Variants in KIF1A observed in about 807,000 individuals in gnomAD.
KIF1A encodes kinesin family member 1A, also known as kinesin-like protein KIF1A.
A neutral mutation model predicts 227.3 loss-of-function variants in KIF1A; 46 were observed. That is an observed-to-expected ratio of 0.20 (90% CI 0.16 to 0.26). KIF1A has a LOEUF of 0.26. KIF1A is among the 10% of genes least tolerant of loss of function. The pLI, the probability that KIF1A is intolerant of heterozygous loss-of-function variation, is 1.00. For missense variants in KIF1A, 1,683 were observed against 2,485.9 expected (o/e 0.68, Z 6.87); for synonymous variants, 1,022 against 1,012.8 (o/e 1.01, Z -0.17).
intron 15 of KIF1A, among the ~76,000 whole-genome samples, chr2:240,770,599 C>T (rs1306580656): frequency 2.6e-5 from 4 of 152,224 alleles, no homozygotes; most frequent in Non-Finnish European, 4.4e-5. Context: ...ATTAAAGACT[C>T]GACAGGAAGA....
At chr2:240,802,440 A>AC (rs2057050250) in intron 1 of KIF1A, among the ~76,000 whole-genome samples, 1 of 152,252 alleles carries the variant, frequency 6.6e-6, no homozygotes, top group African/African-American at 2.4e-5. Flanking sequence ...AAGATTGCAG[A>AC]TAAAAGGTCA....
At position 240,758,191 on chromosome 2, in the gene KIF1A, G is replaced by A. The variant is rs567413442; in HGVS notation, c.2582+169C>T. 1.3e-5 allele frequency among the ~76,000 whole-genome samples: 2 copies of A among 152,320 alleles called. No homozygotes were observed. Among genetic ancestry groups the A allele is most frequent in the African/African-American group, 4.8e-5 (2 of 41,576 alleles). On this transcript the variant is annotated intron_variant, in intron 26 of 48. Transcript: ENST00000498729. The surrounding 1 kb of genome is among the most constrained non-coding windows in gnomAD (Gnocchi z 5.2). ...TAACAGGCCCTGTGGTGTGTGGAGAGGAATGGCTGGGAGGAACCTCAGGCC... is the reference window on the plus strand; with the variant it reads ...TAACAGGCCCTGTGGTGTGTGGAGAAGAATGGCTGGGAGGAACCTCAGGCC...
intron 10 of KIF1A, among the ~76,000 whole-genome samples, chr2:240,780,926 CCACACACA>C (rs769522849): frequency 0.011 from 8 of 726 alleles, 1 homozygote; most frequent in East Asian, 0.071. Flanking sequence ...ACACACAGCT[CCACACACA>C]CACACACACA....
Position 240,722,367 on chromosome 2 carries a change from CA to C in KIF1A, c.4665+88del, listed in dbSNP as rs952626687. On this transcript the variant is annotated intron_variant, in intron 43 of 48. Coordinates refer to ENST00000498729, the MANE Select transcript of KIF1A (RefSeq NM_001244008.2). ...TGGTGCTAACCAGAGCAGCCATGGG[CA>C]AGGCCGGGTTGCTGGAGTTGCCCAG... 84 of 1,307,114 alleles carry C rather than the reference CA, an allele frequency of 6.4e-5. 2 individuals carry two copies. Among genetic ancestry groups the C allele is most frequent in the South Asian group, 4.9e-4 (38 of 76,794 alleles). 81.0% of individuals were successfully genotyped at this position (1,307,114 alleles called of 1,614,324 possible).
intron 1 of KIF1A, among the ~76,000 whole-genome samples, chr2:240,811,717 G>A (rs1015070497): frequency 3.3e-5 from 5 of 152,186 alleles, no homozygotes; most frequent in African/African-American, 1.2e-4. Context: ...AGTGGCCAGA[G>A]ATGAGGGCAC....
chr2:240,767,130 C>T lies in KIF1A; in HGVS notation c.1578-109G>A, dbSNP rs546927258. ...CCAGGATTGTTTGGGAAACACCCAG[C>T]GCAGACATCAGTGGGGTCGCTGGGG... is the stretch of plus-strand genomic sequence containing the variant. On this transcript the variant is annotated intron_variant, in intron 18 of 48. Coordinates refer to ENST00000498729, the MANE Select transcript of KIF1A (RefSeq NM_001244008.2). The T allele has an allele frequency of 2.9e-4, 329 of 1,129,626 alleles. 2 individuals are homozygous for T. The African/African-American group carries it at 4.6e-3, about 16-fold the overall frequency. The allele number at this position is 1,129,626 out of a possible 1,614,324, so 70.0% of individuals were successfully genotyped here.
chr2:240,779,602 T>C (rs2053319697), intron 10 of KIF1A, among the ~76,000 whole-genome samples: 3 of 149,846 alleles, frequency 2.0e-5, no homozygotes. Flanking sequence ...CCACACTCAG[T>C]TCCTCACAGT....
intron 1 of KIF1A, among the ~76,000 whole-genome samples, chr2:240,819,606 G>A (rs1259776888): frequency 6.6e-6 from 1 of 150,816 alleles, no homozygotes; most frequent in Non-Finnish European, 1.5e-5. Context: ...CGCCCTGCGC[G>A]CTCTCCCCTC....
Position 240,767,253 on chromosome 2 carries a change from G to T in KIF1A, c.1577+13C>A. 1 of 1,607,914 alleles carries T rather than the reference G, an allele frequency of 6.2e-7. No homozygotes were observed. Among genetic ancestry groups the T allele is most frequent in the Non-Finnish European group, 8.5e-7 (1 of 1,175,710 alleles). On this transcript the variant is annotated intron_variant, in intron 18 of 48. Coordinates refer to ENST00000498729, the MANE Select transcript of KIF1A (RefSeq NM_001244008.2). Reference sequence around the variant, plus strand: ...CCTGGCCAGGCTGGAGTGGCTGCCAGGTCCCCTCTCACCTGGTGATCCCAT... The same window carrying T: ...CCTGGCCAGGCTGGAGTGGCTGCCATGTCCCCTCTCACCTGGTGATCCCAT...
In KIF1A at chr2:240,772,903, C is replaced by T. The variant is rs1575603228; in HGVS notation, c.1180+211G>A. On this transcript the variant is annotated intron_variant, in intron 13 of 48. Transcript: ENST00000498729. ...CTTGCCCTTGTCCAGGGCCCCCGCCCGGCCTCCCACCCAGAGGCATTTCTG... is the reference window on the plus strand; with the variant it reads ...CTTGCCCTTGTCCAGGGCCCCCGCCTGGCCTCCCACCCAGAGGCATTTCTG... 2.0e-5 allele frequency among the ~76,000 whole-genome samples: 3 copies of T among 152,302 alleles called. No individual in the cohort carries two copies. The South Asian group carries it at 6.2e-4, about 32-fold the overall frequency.
At chr2:240,812,395 C>T (rs1218102789) in intron 1 of KIF1A, among the ~76,000 whole-genome samples, 1 of 152,216 alleles carries the variant, frequency 6.6e-6, no homozygotes, top group Non-Finnish European at 1.5e-5. Flanking sequence ...CTGGAGAGGC[C>T]CATGCTGCAG....
intron 40 of KIF1A, chr2:240,724,396 C>T (rs1307807991): frequency 2.9e-6 from 1 of 350,732 alleles, no homozygotes; most frequent in Non-Finnish European, 5.4e-6. Flanking sequence ...GGCCCCATAC[C>T]CCACAGAGCA....
chr2:240,772,572 T>C lies in KIF1A; in HGVS notation c.1205A>G (p.Lys402Arg), dbSNP rs1361863998. The C allele has an allele frequency of 9.7e-6, 15 of 1,548,312 alleles. 1 individual carries two copies. In the East Asian group the frequency reaches 2.7e-4, roughly 28 times the overall value. The change falls in exon 14 of 49, where the codon AAA becomes AGA. Residue 402 changes from lysine to arginine, a missense_variant and splice_region_variant. Lys to Arg is a conservative substitution (Grantham distance 26). Coordinates refer to ENST00000498729, the MANE Select transcript of KIF1A (RefSeq NM_001244008.2). ...TDTNTVPGGP[K>R]LTNALVGMSP... ...AGAGCAGCAAAGGGAATACACACAT[T>C]TGGGTCCTCCAGGCACAGTGTTGGC...
chr2:240,817,751 TCTCCTCCAGGGCCTC>T (rs952057136), intron 1 of KIF1A, among the ~76,000 whole-genome samples: 64 of 151,654 alleles, frequency 4.2e-4, no homozygotes, highest in African/African-American at 1.5e-3. Flanking sequence ...ATGCCCTCAG[TCTCCTCCAGGGCCTC>T]CTCCTCCAGC....
chr2:240,767,314 G>A lies in KIF1A; in HGVS notation c.1529C>T (p.Pro510Leu), dbSNP rs1559511241. Residue 510 changes from proline (P) to leucine (L), a missense_variant, in exon 18 of 49, where the codon CCG becomes CTG. Pro to Leu is a moderately conservative substitution (Grantham distance 98). Transcript: ENST00000498729. ...TPHLVNLNED[P>L]LMSECLLYYI... ...GTAGAGCAGGCACTCAGACATCAGC[G>A]GGTCCTCGTTCAGGTTGACGAGGTG... 6.2e-7 allele frequency: 1 copy of A among 1,613,724 alleles called. No homozygotes were observed. The highest frequency in any genetic ancestry group is 8.5e-7 in the Non-Finnish European group (1 of 1,179,884).
intron 6 of KIF1A, 106 bp from the exon 7 acceptor site, chr2:240,785,206 C>T (rs2054578375): frequency 1.1e-6 from 1 of 914,574 alleles, no homozygotes; most frequent in African/African-American, 1.6e-5. Context: ...GGGCAGTTCC[C>T]CCAGACCCCA....
At chr2:240,807,352 AG>A (rs746093977) in intron 1 of KIF1A, among the ~76,000 whole-genome samples, 52 of 152,206 alleles carry the variant, frequency 3.4e-4, no homozygotes, top group Non-Finnish European at 5.6e-4. Flanking sequence ...CATGTTGGTC[AG>A]GCTGGTCTTG....
chr2:240,751,504 C>T (rs1004281917), intron 27 of KIF1A, among the ~76,000 whole-genome samples: 1 of 152,144 alleles, frequency 6.6e-6, no homozygotes, highest in Non-Finnish European at 1.5e-5. Context: ...ACCCTAATAC[C>T]CCTGACCTTC....
At chr2:240,796,073 C>A (rs2056361831) in intron 2 of KIF1A, among the ~76,000 whole-genome samples, 1 of 152,204 alleles carries the variant, frequency 6.6e-6, no homozygotes, top group African/African-American at 2.4e-5. Flanking sequence ...AATGACACAG[C>A]AAAGCCTGTT....
Sources: gnomAD v4.1 joint callset for allele counts (sites outside exome capture counted in the v4.1 genomes callset) on GRCh38, gnomAD v4.1.1 for gene constraint, Gnocchi (gnomAD v3.1) non-coding constraint, MANE v1.5 for transcripts, NCBI Gene and HGNC (gene_info 2026-07-23, HGNC 2026-07-21) for gene names.